The following ABCC4 variants were observed in gnomAD, a reference collection of about 807,000 sequenced individuals.
ABCC4 encodes ATP binding cassette subfamily C member 4 (PEL blood group), also known as ATP-binding cassette sub-family C member 4.
ABCC4 carries 102 observed loss-of-function variants against 168.5 expected under a neutral mutation model. The observed-to-expected ratio is 0.61, with a 90% confidence interval of 0.52 to 0.71. The LOEUF (loss-of-function observed/expected upper bound fraction) is 0.71. Ranked by LOEUF, ABCC4 falls within the 30% of genes least tolerant of loss-of-function variation. ABCC4 has a pLI of 0.00. For missense variants in ABCC4, 1,402 were observed against 1,605.8 expected, an observed-to-expected ratio of 0.87 and a Z score of 2.17; for synonymous variants, 617 against 590.7, an observed-to-expected ratio of 1.04 and a Z score of -0.65.
chr13:95,272,012 T>G (rs2040859900), intron 1 of ABCC4, among the ~76,000 whole-genome samples: 1 of 152,022 alleles, frequency 6.6e-6, no homozygotes, highest in African/African-American at 2.4e-5. Flanking sequence ...GATAACTTCC[T>G]CAGAGGAAAT....
At chr13:95,057,695 TAAATGA>T (rs1271497186) in intron 26 of ABCC4, among the ~76,000 whole-genome samples, 1 of 152,146 alleles carries the variant, frequency 6.6e-6, no homozygotes, top group Non-Finnish European at 1.5e-5. Context: ...CCCTGAACCA[TAAATGA>T]AAGGGATAAG....
At chr13:95,144,564 A>G (rs2036425126) in intron 19 of ABCC4, among the ~76,000 whole-genome samples, 1 of 152,224 alleles carries the variant, frequency 6.6e-6, no homozygotes. Context: ...CGGGATACAA[A>G]AATCAATGCA....
intron 18 of ABCC4, among the ~76,000 whole-genome samples, chr13:95,162,800 T>A (rs2037141535): frequency 6.6e-6 from 1 of 151,986 alleles, no homozygotes; most frequent in Non-Finnish European, 1.5e-5. Flanking sequence ...CCCCTGCCCA[T>A]CCGTATAATG....
At chr13:95,177,379 G>C (rs568163965) in intron 13 of ABCC4, among the ~76,000 whole-genome samples, 1 of 152,088 alleles carries the variant, frequency 6.6e-6, no homozygotes, top group African/African-American at 2.4e-5. Context: ...TCCTATCTCC[G>C]GGGCCTGGTC....
In ABCC4 at chr13:95,053,087, T is replaced by C; in HGVS notation, c.3456+8A>G. 6.2e-7 allele frequency: 1 copy of C among 1,605,804 alleles called. No homozygotes were observed. Among genetic ancestry groups the C allele is most frequent in the Non-Finnish European group, 8.5e-7 (1 of 1,172,416 alleles). ...ACAGACTAAAGATAATTACATTTTA[T>C]CAATTACCTCTTGTAAGGCATTCCA... On this transcript the variant is annotated splice_region_variant and intron_variant, in intron 27 of 30. Coordinates refer to ENST00000645237, the MANE Select transcript of ABCC4 (RefSeq NM_005845.5).
chr13:95,112,543 C>A (rs2035241296), intron 20 of ABCC4, among the ~76,000 whole-genome samples: 1 of 152,112 alleles, frequency 6.6e-6, no homozygotes, highest in Non-Finnish European at 1.5e-5. Context: ...AATCTTCATT[C>A]TATTTGTTAC....
At chr13:95,126,925 A>G (rs2139440992) in intron 19 of ABCC4, among the ~76,000 whole-genome samples, 1 of 145,514 alleles carries the variant, frequency 6.9e-6, no homozygotes, top group East Asian at 2.0e-4. Flanking sequence ...CTAGGGGGGA[A>G]ATTTAACCAT....
intron 29 of ABCC4, among the ~76,000 whole-genome samples, chr13:95,038,729 C>A (rs1464165635): frequency 6.6e-6 from 1 of 152,160 alleles, no homozygotes; most frequent in Non-Finnish European, 1.5e-5. Context: ...GCACCCCATG[C>A]ACACTGCCTA....
chr13:95,212,519 C>T (rs1021038810), intron 4 of ABCC4, among the ~76,000 whole-genome samples: 3 of 152,162 alleles, frequency 2.0e-5, no homozygotes, highest in African/African-American at 7.2e-5. Flanking sequence ...GTCAATTGTG[C>T]CCAACTTGAA....
intron 2 of ABCC4, 26 bp downstream of exon 2, chr13:95,247,617 T>C: frequency 5.1e-6 from 8 of 1,576,768 alleles, no homozygotes; most frequent in Non-Finnish European, 7.0e-6. Flanking sequence ...GCTTCCTTAA[T>C]GCCCACTTTA....
At chr13:95,301,055 C>T (rs997016440) in intron 1 of ABCC4, among the ~76,000 whole-genome samples, 186 bp downstream of exon 1, 1 of 152,126 alleles carries the variant, frequency 6.6e-6, no homozygotes, top group Admixed American at 6.5e-5. Flanking sequence ...AGGCAGGGAC[C>T]ACGCGGCCGG....
chr13:95,292,451 G>A (rs191568790), intron 1 of ABCC4, among the ~76,000 whole-genome samples: 58 of 152,228 alleles, frequency 3.8e-4, no homozygotes, highest in Middle Eastern at 3.4e-3. Flanking sequence ...CTTGCTCTGC[G>A]TGTTGACAAA....
chr13:95,244,365 G>A (rs1450312453), intron 3 of ABCC4, among the ~76,000 whole-genome samples: 3 of 151,698 alleles, frequency 2.0e-5, no homozygotes, highest in Non-Finnish European at 4.4e-5. Context: ...AGAGGCCAAG[G>A]TGGGAGGATC....
At chr13:95,286,956 C>CAAAAA (rs34188007) in intron 1 of ABCC4, among the ~76,000 whole-genome samples, 3 of 118,846 alleles carry the variant, frequency 2.5e-5, no homozygotes, top group Non-Finnish European at 5.0e-5. Context: ...AACTCTGTCT[C>CAAAAA]AAAAAAAAAA....
At chr13:95,187,105 T>TTTTGCC (rs1399857160) in intron 10 of ABCC4, among the ~76,000 whole-genome samples, 4 of 152,164 alleles carry the variant, frequency 2.6e-5, no homozygotes, top group Non-Finnish European at 4.4e-5. Flanking sequence ...AGTGTAACAA[T>TTTTGCC]CTACTCTGCC....
At chr13:95,276,746 C>T (rs1295004409) in intron 1 of ABCC4, among the ~76,000 whole-genome samples, 1 of 152,210 alleles carries the variant, frequency 6.6e-6, no homozygotes, top group African/African-American at 2.4e-5. Flanking sequence ...GGGCCAGCCG[C>T]AGTGGCTCAC....
rs9282569 is a variant in ABCC4, at chr13:95,163,349, G to A, written c.2214-133C>T. 5,245 of 685,484 alleles carry A rather than the reference G, an allele frequency of 7.7e-3. 37 individuals carry two copies. The highest frequency in any genetic ancestry group is 0.01 in the Non-Finnish European group (4,178 of 404,072). 42.5% of individuals were successfully genotyped at this position (685,484 alleles called of 1,614,324 possible). On this transcript the variant is annotated intron_variant, in intron 17 of 30. Coordinates refer to ENST00000645237, the MANE Select transcript of ABCC4 (RefSeq NM_005845.5). Reference sequence around the variant, plus strand: ...TGATTCTCAGCTCACTTAGTCTTGTGTATATCTACCTTATAAAAATTCAAT... The same window carrying A: ...TGATTCTCAGCTCACTTAGTCTTGTATATATCTACCTTATAAAAATTCAAT...
intron 8 of ABCC4, among the ~76,000 whole-genome samples, chr13:95,202,846 G>A (rs2038669885): frequency 6.6e-6 from 1 of 151,754 alleles, no homozygotes; most frequent in Admixed American, 6.6e-5. Flanking sequence ...TTTTTGCAGA[G>A]GCGGGGTTTC....
intron 19 of ABCC4, among the ~76,000 whole-genome samples, chr13:95,150,534 G>A (rs919968224): frequency 1.3e-5 from 2 of 151,778 alleles, no homozygotes; most frequent in African/African-American, 4.8e-5. Context: ...GTACTTTGAA[G>A]CTTGTCGAGT....
Sources: gnomAD v4.1 joint callset for allele counts (sites outside exome capture counted in the v4.1 genomes callset) on GRCh38, gnomAD v4.1.1 for gene constraint, MANE v1.5 for transcripts, NCBI Gene and HGNC (gene_info 2026-07-23, HGNC 2026-07-21) for gene names.